Variants in GTF2IRD1 observed in about 807,000 individuals in gnomAD.
GTF2IRD1 encodes GTF2I repeat domain containing 1, also known as general transcription factor II-I repeat domain-containing protein 1.
A neutral mutation model predicts 113.2 loss-of-function variants in GTF2IRD1; 26 were observed. The observed-to-expected ratio is 0.23, with a 90% CI of 0.17 to 0.32. GTF2IRD1 has a LOEUF of 0.32. GTF2IRD1 is among the 10% of genes least tolerant of loss of function. The probability of loss-of-function intolerance (pLI) is 1.00; values close to 1 mark genes in which losing one functional copy is unlikely to be tolerated. For missense variants in GTF2IRD1, 864 were observed against 1,280.8 expected, an observed-to-expected ratio of 0.67 and a Z score of 4.97; for synonymous variants, 484 against 529.1, an observed-to-expected ratio of 0.91 and a Z score of 1.17.
At position 74,509,678 on chromosome 7, in the gene GTF2IRD1, T is replaced by C. The variant is rs573284700; in HGVS notation, c.123+1475T>C. ...CATGACCAGTTTTGTTTTGTTTTGT[T>C]TTGTTTTGTTTTTGAGACGGAGTTT... is the stretch of plus-strand genomic sequence containing the variant. On this transcript the variant is annotated intron_variant, in intron 2 of 26. Coordinates refer to ENST00000424337, the MANE Select transcript of GTF2IRD1 (RefSeq NM_005685.4). Among the ~76,000 whole-genome samples the C allele has an allele frequency of 3.9e-5, 6 of 152,146 alleles. No homozygotes were observed. In the East Asian group the frequency reaches 1.2e-3, roughly 29 times the overall value.
chr7:74,489,073 C>T (rs1188705711), intron 1 of GTF2IRD1, among the ~76,000 whole-genome samples: 1 of 151,024 alleles, frequency 6.6e-6, no homozygotes, highest in African/African-American at 2.4e-5. Flanking sequence ...ACCCAGGAGG[C>T]AGAAGTTGCA....
intron 1 of GTF2IRD1, chr7:74,487,479 A>C (rs749307047): frequency 3.3e-5 from 5 of 151,916 alleles, no homozygotes; most frequent in African/African-American, 7.3e-5. Context: ...ACCAGACCCG[A>C]CTCTGCTTAG....
intron 22 of GTF2IRD1, among the ~76,000 whole-genome samples, chr7:74,579,620 G>GAAA (rs35170472): frequency 7.4e-6 from 1 of 134,366 alleles, no homozygotes; most frequent in Non-Finnish European, 1.6e-5. Context: ...TCCATCTTAA[G>GAAA]AAAAAAAAAA....
chr7:74,454,608 G>A (rs2116821139), intron 1 of GTF2IRD1, among the ~76,000 whole-genome samples: 1 of 152,046 alleles, frequency 6.6e-6, no homozygotes, highest in Middle Eastern at 3.4e-3. Context: ...ACCTTCTCCC[G>A]GTCTGGGCCA....
chr7:74,566,945 T>A (rs1264577841), intron 22 of GTF2IRD1, among the ~76,000 whole-genome samples: 1 of 152,198 alleles, frequency 6.6e-6, no homozygotes, highest in African/African-American at 2.4e-5. Flanking sequence ...TGCTGTCCCC[T>A]CCTGGCTACC....
chr7:74,599,121 C>T (rs1211234753), intron 25 of GTF2IRD1, among the ~76,000 whole-genome samples: 1 of 152,000 alleles, frequency 6.6e-6, no homozygotes, highest in Non-Finnish European at 1.5e-5. Flanking sequence ...ATACAGAGAC[C>T]CCGTCTCTAC....
chr7:74,529,920 G>A lies in GTF2IRD1; in HGVS notation c.1274+3G>A, dbSNP rs200342060. ...AGTATCCACTTCATCATTAAGAGGT[G>A]CGGGTGGGGCTGGGCGCAGTGGCTC... On this transcript the variant is annotated splice_donor_region_variant and intron_variant, in intron 9 of 26. Coordinates refer to ENST00000424337, the MANE Select transcript of GTF2IRD1 (RefSeq NM_005685.4). 1.2e-6 allele frequency: 2 copies of A among 1,610,034 alleles called. No homozygotes were observed. The highest frequency in any genetic ancestry group is 1.3e-5 in the African/African-American group (1 of 74,968).
At chr7:74,487,682 T>C (rs1270559504) in intron 1 of GTF2IRD1, 34 of 152,248 alleles carry the variant, frequency 2.2e-4, no homozygotes, top group African/African-American at 2.4e-5. Flanking sequence ...GTAACAAAGA[T>C]GTTAAACATT....
At chr7:74,476,343 C>T (rs1027675770) in intron 1 of GTF2IRD1, among the ~76,000 whole-genome samples, 4 of 150,430 alleles carry the variant, frequency 2.7e-5, no homozygotes, top group South Asian at 2.1e-4. Flanking sequence ...CTTCCACGCC[C>T]GCTTGGAAGC....
chr7:74,569,720 T>C (rs1800574715), intron 22 of GTF2IRD1, among the ~76,000 whole-genome samples: 1 of 151,986 alleles, frequency 6.6e-6, no homozygotes, highest in African/African-American at 2.4e-5. Context: ...ACCCAGGCAG[T>C]GGGCAGCTGG....
chr7:74,599,053 G>A (rs1409458366), intron 25 of GTF2IRD1, among the ~76,000 whole-genome samples: 1 of 152,126 alleles, frequency 6.6e-6, no homozygotes, highest in Non-Finnish European at 1.5e-5. Flanking sequence ...CCAGCACTTT[G>A]GGAGGCTGAA....
At chr7:74,558,272 T>G (rs1273280328) in intron 20 of GTF2IRD1, among the ~76,000 whole-genome samples, 1 of 93,108 alleles carries the variant, frequency 1.1e-5, no homozygotes, top group Non-Finnish European at 2.0e-5. Flanking sequence ...AAAGCGAAAC[T>G]CCGTCTCAAA....
At chr7:74,471,700 AAC>A in intron 1 of GTF2IRD1, among the ~76,000 whole-genome samples, 1 of 102,574 alleles carries the variant, frequency 9.7e-6, no homozygotes, top group Middle Eastern at 4.8e-3. Context: ...CAAAAAAAAA[AAC>A]AAAAAAAACG....
intron 22 of GTF2IRD1, among the ~76,000 whole-genome samples, chr7:74,574,150 A>ATTTTTTTTTTT (rs71094796): frequency 1.5e-3 from 162 of 104,816 alleles, no homozygotes; most frequent in African/African-American, 1.9e-3. Flanking sequence ...CACCAAGCTA[A>ATTTTTTTTTTT]TTTTTTTTTT....
intron 1 of GTF2IRD1, among the ~76,000 whole-genome samples, chr7:74,476,959 C>T (rs1441590063): frequency 6.6e-6 from 1 of 152,106 alleles, no homozygotes; most frequent in South Asian, 2.1e-4. Flanking sequence ...ATCTAAAAGA[C>T]GGGAACAAGG....
At chr7:74,508,299 C>A in intron 2 of GTF2IRD1, 96 bp downstream of exon 2, 1 of 1,359,716 alleles carries the variant, frequency 7.4e-7, no homozygotes, top group Non-Finnish European at 1.0e-6. Context: ...AAGGAGCTTT[C>A]ACTGACCTGA....
intron 11 of GTF2IRD1, 79 bp from the exon 12 acceptor site, chr7:74,538,057 G>A (rs1798407081): frequency 1.4e-6 from 2 of 1,462,996 alleles, no homozygotes; most frequent in Non-Finnish European, 1.9e-6. Flanking sequence ...GGTGGGCCCT[G>A]ACTGCCTGGA....
chr7:74,557,580 A>C (rs1554357421), intron 19 of GTF2IRD1, 59 bp from the exon 20 acceptor site: 3 of 1,170,102 alleles, frequency 2.6e-6, no homozygotes, highest in Non-Finnish European at 3.8e-6. Context: ...CTTCCTTAAA[A>C]GTCACCAAGT....
chr7:74,556,621 T>C (rs1253453419), intron 19 of GTF2IRD1, among the ~76,000 whole-genome samples: 1 of 99,646 alleles, frequency 1.0e-5, no homozygotes, highest in African/African-American at 3.9e-5. Context: ...TGCACCCAGC[T>C]TTTTTTTTTT....
Sources: gnomAD v4.1 joint callset for allele counts (sites outside exome capture counted in the v4.1 genomes callset) on GRCh38, gnomAD v4.1.1 for gene constraint, MANE v1.5 for transcripts, NCBI Gene and HGNC (gene_info 2026-07-23, HGNC 2026-07-21) for gene names.